Variants in BFSP2 observed in about 807,000 individuals in gnomAD.
BFSP2 encodes the protein beaded filament structural protein 2, also known as phakinin.
In BFSP2, 38 loss-of-function variants were observed where a neutral mutation model predicts 44.9. The ratio of observed to expected loss-of-function variants is 0.85; its 90% confidence interval spans 0.65 to 1.11. The LOEUF (loss-of-function observed/expected upper bound fraction) is 1.11, where lower values mean the gene tolerates loss of function less well. BFSP2 is among the 50% of genes least tolerant of loss of function. BFSP2 has a pLI of 0.00. For missense variants in BFSP2, 525 were observed against 533.0 expected (o/e 0.99, Z 0.15); for synonymous variants, 197 against 209.9 (o/e 0.94, Z 0.53).
In BFSP2 at chr3:133,400,153, A is replaced by G; in HGVS notation, c.70A>G (p.Arg24Gly). The change falls in exon 1 of 7, where the codon AGG becomes GGG. Residue 24 changes from arginine to glycine, a missense_variant. Coordinates refer to ENST00000302334, the MANE Select transcript of BFSP2 (RefSeq NM_003571.4). The surrounding 1 kb of genome is among the most constrained non-coding windows in gnomAD (Gnocchi z 4.0). ...CTCCAGCATGCCCCTCCAGAGGCGC[A>G]GGGCGTCCTTCAGGGGGCCACGGTC... is the stretch of plus-strand genomic sequence containing the variant. ...ASSSMPLQRR[R>G]ASFRGPRSSS... is the part of the protein sequence containing the mutation. 1 of 1,614,144 alleles carries G rather than the reference A, an allele frequency of 6.2e-7. No homozygotes were observed. The highest frequency in any genetic ancestry group is 8.5e-7 in the Non-Finnish European group (1 of 1,180,032).
At chr3:133,440,407 A>G (rs2073833938) in intron 1 of BFSP2, among the ~76,000 whole-genome samples, 1 of 152,180 alleles carries the variant, frequency 6.6e-6, no homozygotes, top group Non-Finnish European at 1.5e-5. Context: ...GGGGCTCAAA[A>G]TTTGATTTTG....
chr3:133,404,499 A>C (rs989719985), intron 1 of BFSP2, among the ~76,000 whole-genome samples: 6 of 152,194 alleles, frequency 3.9e-5, no homozygotes, highest in African/African-American at 1.4e-4. Flanking sequence ...AGGACATGGT[A>C]CATCGGTCCA....
chr3:133,429,228 A>T (rs1559965698), intron 1 of BFSP2: 1 of 152,034 alleles, frequency 6.6e-6, no homozygotes, highest in Non-Finnish European at 1.5e-5. Flanking sequence ...ACTTTATGTT[A>T]AATTGTGTTA....
intron 4 of BFSP2, among the ~76,000 whole-genome samples, chr3:133,458,985 C>A (rs2074037925): frequency 2.0e-5 from 3 of 152,142 alleles, no homozygotes; most frequent in Admixed American, 1.3e-4. Context: ...TCCCAGACTA[C>A]CTGACTGTGC....
intron 1 of BFSP2, among the ~76,000 whole-genome samples, chr3:133,409,605 T>A (rs652273): frequency 0.55 from 83,910 of 151,914 alleles, 23,378 homozygotes; most frequent in Non-Finnish European, 0.59. Context: ...TAGGAAATAT[T>A]CAAGACGAGT....
intron 1 of BFSP2, among the ~76,000 whole-genome samples, chr3:133,419,945 G>A (rs558165550): frequency 1.3e-5 from 2 of 152,346 alleles, no homozygotes; most frequent in East Asian, 1.9e-4. Flanking sequence ...GCACCTGCTC[G>A]GGTGGGCGAG....
chr3:133,474,897 C>T (rs753894149), intron 6 of BFSP2, 72 bp from the exon 7 acceptor site: 16 of 1,583,800 alleles, frequency 1.0e-5, no homozygotes, highest in South Asian at 4.4e-5. Context: ...CCCCCTTTCT[C>T]GTAATCCTAT....
rs1417421601 is a variant in BFSP2, at chr3:133,472,423, G to T, written c.1102G>T (p.Gly368Cys). The T allele has an allele frequency of 1.2e-6, 2 of 1,614,152 alleles. No homozygotes were observed. Among genetic ancestry groups the T allele is most frequent in the South Asian group, 1.1e-5 (1 of 91,084 alleles). Reference sequence around the variant, plus strand: ...GCTCCAGAACCTGGGCGCTGTGGTCGGCCGGCTGGAGGCGGAGCTCAGGGA... The same window carrying T: ...GCTCCAGAACCTGGGCGCTGTGGTCTGCCGGCTGGAGGCGGAGCTCAGGGA... ...MELQNLGAVV[G>C]RLEAELREIR... The change falls in exon 6 of 7, where the codon GGC (glycine) becomes TGC (cysteine). Residue 368 changes from glycine to cysteine, a missense_variant. Gly to Cys is a radical substitution (Grantham distance 159). Transcript: ENST00000302334.
rs2074171484 is a variant in BFSP2, at chr3:133,472,400, TCCAGAA to T, written c.1082_1087del (p.Gln361_Asn362del). Reference sequence around the variant, plus strand: ...GCCAAGCACTGGCATGACATGGAGCTCCAGAACCTGGGCGCTGTGGTCGGCCGGCTG... The same window carrying T: ...GCCAAGCACTGGCATGACATGGAGCTCCTGGGCGCTGTGGTCGGCCGGCTG... On this transcript the variant is annotated inframe_deletion, in exon 6 of 7. Coordinates refer to ENST00000302334, the MANE Select transcript of BFSP2 (RefSeq NM_003571.4). The T allele has an allele frequency of 1.2e-6, 2 of 1,613,960 alleles. No homozygotes were observed. The highest frequency in any genetic ancestry group is 1.7e-6 in the Non-Finnish European group (2 of 1,180,012).
chr3:133,424,181 G>A lies in BFSP2; in HGVS notation c.490-23136G>A, dbSNP rs553316169. Among the ~76,000 whole-genome samples the A allele has an allele frequency of 5.7e-5, 8 of 139,158 alleles. 1 individual carries two copies. The highest frequency in any genetic ancestry group is 4.6e-4 in the South Asian group (2 of 4,378). The allele number at this position is 139,158 out of a possible 152,430, so 91.3% of individuals were successfully genotyped here. On this transcript the variant is annotated intron_variant, in intron 1 of 6. Transcript: ENST00000302334. ...ATTCTCCTGCCTCAGAAGTAGCTGG[G>A]ATTACAGGCGCCTACCACCGCGTCC... is the stretch of plus-strand genomic sequence containing the variant.
intron 1 of BFSP2, among the ~76,000 whole-genome samples, chr3:133,437,860 T>G (rs1397465652): frequency 6.6e-6 from 1 of 152,152 alleles, no homozygotes; most frequent in Non-Finnish European, 1.5e-5. Flanking sequence ...AAACAATGAT[T>G]TGGCTACCCG....
intron 1 of BFSP2, among the ~76,000 whole-genome samples, chr3:133,407,761 C>T (rs1037405407): frequency 6.6e-6 from 1 of 152,088 alleles, no homozygotes; most frequent in Non-Finnish European, 1.5e-5. Context: ...ATGAAGGCAG[C>T]ATTTGAAACC....
At chr3:133,471,647 C>A (rs1477914592) in intron 5 of BFSP2, among the ~76,000 whole-genome samples, 2 of 152,014 alleles carry the variant, frequency 1.3e-5, no homozygotes, top group Admixed American at 1.3e-4. Flanking sequence ...TGAGTATGTT[C>A]AAATCATGAG....
At chr3:133,411,683 A>T (rs532272047) in intron 1 of BFSP2, among the ~76,000 whole-genome samples, 1 of 150,248 alleles carries the variant, frequency 6.7e-6, no homozygotes, top group South Asian at 2.2e-4. Context: ...TGAAGCCAAT[A>T]GAGGGAAGGG....
At chr3:133,414,056 TC>T (rs2073481686) in intron 1 of BFSP2, among the ~76,000 whole-genome samples, 1 of 91,630 alleles carries the variant, frequency 1.1e-5, no homozygotes, top group Admixed American at 1.3e-4. Context: ...TACTCACCCC[TC>T]TACTCACCCC....
chr3:133,426,972 G>C (rs2073659884), intron 1 of BFSP2, among the ~76,000 whole-genome samples: 1 of 152,186 alleles, frequency 6.6e-6, no homozygotes, highest in South Asian at 2.1e-4. Context: ...CAGACAGGCT[G>C]GCTCATTTCC....
intron 1 of BFSP2, among the ~76,000 whole-genome samples, chr3:133,427,968 A>G (rs1232195001): frequency 4.6e-5 from 7 of 152,206 alleles, no homozygotes; most frequent in Admixed American, 6.5e-5. Context: ...ATTCCTTTTT[A>G]TAGATGAGGA....
intron 1 of BFSP2, among the ~76,000 whole-genome samples, chr3:133,414,432 C>T (rs1421887875): frequency 1.0e-5 from 1 of 97,632 alleles, no homozygotes; most frequent in Non-Finnish European, 2.1e-5. Context: ...TACCCCTATA[C>T]TCACCCCTGC....
chr3:133,450,897 G>A (rs1422175243), intron 4 of BFSP2, among the ~76,000 whole-genome samples: 1 of 152,138 alleles, frequency 6.6e-6, no homozygotes, highest in Non-Finnish European at 1.5e-5. Context: ...GGATCATGAG[G>A]TCAGGAGATC....
Sources: gnomAD v4.1 joint callset for allele counts (sites outside exome capture counted in the v4.1 genomes callset) on GRCh38, gnomAD v4.1.1 for gene constraint, Gnocchi (gnomAD v3.1) non-coding constraint, MANE v1.5 for transcripts, NCBI Gene and HGNC (gene_info 2026-07-23, HGNC 2026-07-21) for gene names.